DDX10: variants seen among roughly 807,000 people sequenced by gnomAD.
DDX10 encodes the protein DEAD-box helicase 10, also known as probable ATP-dependent RNA helicase DDX10.
DDX10 carries 74 observed loss-of-function variants against 104.3 expected under a neutral mutation model. That is an observed-to-expected ratio of 0.71 (90% confidence interval 0.59 to 0.86). The LOEUF (loss-of-function observed/expected upper bound fraction) is 0.86. Among genes scored for constraint, DDX10 ranks in the 40% least tolerant of loss-of-function variants. The probability of loss-of-function intolerance (pLI) is 0.00; values close to 1 mark genes in which losing one functional copy is unlikely to be tolerated. For synonymous variants in DDX10, 351 were observed against 353.4 expected, an observed-to-expected ratio of 0.99 and a Z score of 0.08; for missense variants, 952 against 1,040.0, an observed-to-expected ratio of 0.92 and a Z score of 1.16.
At chr11:108,692,831 C>G (rs1199507391) in intron 8 of DDX10, among the ~76,000 whole-genome samples, 1 of 152,180 alleles carries the variant, frequency 6.6e-6, no homozygotes, top group Non-Finnish European at 1.5e-5. Flanking sequence ...TCAAGTGATA[C>G]TCCCACCTCA....
At chr11:108,746,816 T>C (rs1363380320) in intron 13 of DDX10, among the ~76,000 whole-genome samples, 1 of 152,098 alleles carries the variant, frequency 6.6e-6, no homozygotes. Context: ...AGGGCCTTAT[T>C]CTCATGTTGT....
chr11:108,930,854 G>A (rs1191851658), intron 17 of DDX10, among the ~76,000 whole-genome samples: 1 of 152,144 alleles, frequency 6.6e-6, no homozygotes, highest in Non-Finnish European at 1.5e-5. Flanking sequence ...CTTATGAACA[G>A]GGCTGCCCTT....
chr11:108,903,384 C>T (rs1863544043), intron 16 of DDX10, among the ~76,000 whole-genome samples: 1 of 152,110 alleles, frequency 6.6e-6, no homozygotes, highest in South Asian at 2.1e-4. Context: ...GTAGCATATA[C>T]CAGGACTTCA....
intron 13 of DDX10, among the ~76,000 whole-genome samples, chr11:108,742,883 T>A (rs1249597496): frequency 1.3e-5 from 2 of 152,036 alleles, no homozygotes; most frequent in Non-Finnish European, 2.9e-5. Flanking sequence ...GTTCTGAAAC[T>A]GAATCAGTAA....
At chr11:108,863,062 T>G (rs1862961495) in intron 16 of DDX10, among the ~76,000 whole-genome samples, 1 of 152,204 alleles carries the variant, frequency 6.6e-6, no homozygotes, top group Admixed American at 6.5e-5. Context: ...TACCATAGAT[T>G]CTGGTTATTT....
chr11:108,836,182 A>C (rs1490242851), intron 13 of DDX10, among the ~76,000 whole-genome samples: 1 of 152,212 alleles, frequency 6.6e-6, no homozygotes, highest in Non-Finnish European at 1.5e-5. Flanking sequence ...TCTTTTCATT[A>C]GCTTTATATG....
intron 13 of DDX10, among the ~76,000 whole-genome samples, chr11:108,800,314 G>A (rs1354115718): frequency 1.7e-4 from 25 of 150,242 alleles, no homozygotes; most frequent in Non-Finnish European, 3.4e-4. Flanking sequence ...GCATGGTGGC[G>A]GGTGCCTGTA....
Position 108,890,513 on chromosome 11 carries a change from C to A in DDX10, c.2305-27360C>A, listed in dbSNP as rs139876169. On this transcript the variant is annotated intron_variant, in intron 16 of 17. Transcript: ENST00000322536. ...TGTAGTGCTGCAGCATCCTCTTTTT[C>A]CCCCATTGCTTCAACATGGTACTTG... is the stretch of plus-strand genomic sequence containing the variant. Among the ~76,000 whole-genome samples, 137 of 151,774 alleles carry A rather than the reference C, an allele frequency of 9.0e-4. 1 individual carries two copies. The highest frequency in any genetic ancestry group is 3.2e-3 in the African/African-American group (134 of 41,376).
intron 13 of DDX10, among the ~76,000 whole-genome samples, chr11:108,776,686 G>T (rs2094370330): frequency 6.6e-6 from 1 of 152,140 alleles, no homozygotes; most frequent in Admixed American, 6.6e-5. Flanking sequence ...TAAAAACTCC[G>T]AGGGTTTTCT....
At chr11:108,786,292 T>G (rs1861789443) in intron 13 of DDX10, among the ~76,000 whole-genome samples, 1 of 152,168 alleles carries the variant, frequency 6.6e-6, no homozygotes, top group South Asian at 2.1e-4. Context: ...TCTTTGAATA[T>G]GTTACATGTG....
intron 15 of DDX10, among the ~76,000 whole-genome samples, chr11:108,841,734 A>G (rs547445458): frequency 1.9e-4 from 29 of 152,154 alleles, no homozygotes; most frequent in African/African-American, 6.7e-4. Context: ...ATTTGTTGTT[A>G]TTATTACAGT....
chr11:108,675,116 G>A (rs1293698280), intron 2 of DDX10, among the ~76,000 whole-genome samples: 3 of 151,886 alleles, frequency 2.0e-5, no homozygotes, highest in Non-Finnish European at 4.4e-5. Context: ...GTGTGTGTGT[G>A]TGTGTGTGTA....
intron 13 of DDX10, among the ~76,000 whole-genome samples, chr11:108,772,761 A>T (rs898481053): frequency 6.6e-6 from 1 of 152,210 alleles, no homozygotes; most frequent in South Asian, 2.1e-4. Flanking sequence ...TTAGATTCTC[A>T]TAGGCGCTCG....
intron 1 of DDX10, among the ~76,000 whole-genome samples, chr11:108,669,237 G>A (rs565936015): frequency 2.0e-5 from 3 of 152,226 alleles, no homozygotes; most frequent in African/African-American, 7.2e-5. Flanking sequence ...AGGACTACAG[G>A]TGCATGCCAC....
At chr11:108,766,637 C>T (rs192785520) in intron 13 of DDX10, among the ~76,000 whole-genome samples, 9 of 152,160 alleles carry the variant, frequency 5.9e-5, no homozygotes, top group Admixed American at 3.3e-4. Context: ...TTTAACAAAA[C>T]GATATGGAGG....
At chr11:108,814,951 G>A (rs1862235275) in intron 13 of DDX10, among the ~76,000 whole-genome samples, 1 of 152,162 alleles carries the variant, frequency 6.6e-6, no homozygotes, top group Non-Finnish European at 1.5e-5. Context: ...TAGAGATGAG[G>A]CAGAAAAGCG....
intron 16 of DDX10, among the ~76,000 whole-genome samples, chr11:108,858,542 C>T (rs1261218667): frequency 6.6e-6 from 1 of 152,202 alleles, no homozygotes; most frequent in Non-Finnish European, 1.5e-5. Flanking sequence ...ATCTAACACA[C>T]TCAGCCCTTT....
At chr11:108,775,059 G>A (rs752247650) in intron 13 of DDX10, among the ~76,000 whole-genome samples, 8 of 152,212 alleles carry the variant, frequency 5.3e-5, no homozygotes, top group Non-Finnish European at 1.2e-4. Context: ...AGACCACGGT[G>A]AAACGTTTTC....
rs564569634 is a variant in DDX10 at position 108,764,579 on chromosome 11, G to A, written c.1965+41117G>A. ...AGCTATTAGGGAGGTTGAGGCAGGA[G>A]AATTGCTTGAACCCAGGAGGCAGAG... On this transcript the variant is annotated intron_variant, in intron 13 of 17. Transcript: ENST00000322536. Among the ~76,000 whole-genome samples the A allele has an allele frequency of 5.3e-5, 8 of 152,278 alleles. No homozygotes were observed. The East Asian group carries it at 1.5e-3, about 29-fold the overall frequency.
Sources: allele counts gnomAD v4.1 joint callset (sites outside exome capture counted in the v4.1 genomes callset), GRCh38; gene constraint gnomAD v4.1.1; transcripts MANE v1.5; gene names NCBI Gene and HGNC (gene_info 2026-07-23, HGNC 2026-07-21).